CBFA2T2: variants seen among roughly 807,000 people sequenced by gnomAD.
The protein encoded by CBFA2T2 is CBFA2/RUNX1 partner transcriptional co-repressor 2.
A neutral mutation model predicts 62.2 loss-of-function variants in CBFA2T2; 11 were observed. That is an observed-to-expected ratio of 0.18 (90% confidence interval 0.11 to 0.29). The LOEUF (loss-of-function observed/expected upper bound fraction) is 0.29, where lower values mean the gene tolerates loss of function less well. CBFA2T2 is among the 10% of genes least tolerant of loss of function. The probability of loss-of-function intolerance (pLI) is 1.00; values close to 1 mark genes in which losing one functional copy is unlikely to be tolerated. For missense variants in CBFA2T2, 592 were observed against 774.1 expected, an observed-to-expected ratio of 0.76 and a Z score of 2.79; for synonymous variants, 295 against 287.5, an observed-to-expected ratio of 1.03 and a Z score of -0.27.
chr20:33,536,861 A>C (rs2012262623), intron 1 of CBFA2T2, among the ~76,000 whole-genome samples: 2 of 141,940 alleles, frequency 1.4e-5, no homozygotes. Context: ...GCGGCTGGGC[A>C]GAGACGCTCC....
chr20:33,502,723 CTCT>C (rs1418887610), intron 1 of CBFA2T2, among the ~76,000 whole-genome samples: 1 of 150,850 alleles, frequency 6.6e-6, no homozygotes, highest in East Asian at 2.0e-4. Context: ...TCTTCTTACC[CTCT>C]TCTTGGAATC....
chr20:33,575,063 A>T (rs1174620909), intron 1 of CBFA2T2, among the ~76,000 whole-genome samples: 2 of 152,218 alleles, frequency 1.3e-5, no homozygotes, highest in Non-Finnish European at 2.9e-5. Flanking sequence ...TTTTCATTTT[A>T]TCTGCAGGAT....
intron 2 of CBFA2T2, among the ~76,000 whole-genome samples, chr20:33,607,936 A>G (rs2015395869): frequency 6.6e-6 from 1 of 152,226 alleles, no homozygotes; most frequent in African/African-American, 2.4e-5. Flanking sequence ...GGAAATGCAA[A>G]CTAACACCCA....
chr20:33,562,667 C>T, intron 1 of CBFA2T2: 6 of 985,186 alleles, frequency 6.1e-6, no homozygotes, highest in Non-Finnish European at 7.2e-6. Context: ...ATAATTTGGG[C>T]ATTTGGGGTA....
chr20:33,568,600 A>T (rs1227085454), intron 1 of CBFA2T2, among the ~76,000 whole-genome samples: 2 of 152,132 alleles, frequency 1.3e-5, no homozygotes, highest in African/African-American at 4.8e-5. Context: ...CACCAGGTGC[A>T]GCCATTGTTC....
At chr20:33,494,209 GTGTGAC>G (rs1474442559) in intron 1 of CBFA2T2, among the ~76,000 whole-genome samples, 2 of 122,160 alleles carry the variant, frequency 1.6e-5, no homozygotes, top group Non-Finnish European at 3.2e-5. Flanking sequence ...GGCGATTATA[GTGTGAC>G]TGTACTATGT....
chr20:33,589,044 A>T (rs2014501156), intron 1 of CBFA2T2, among the ~76,000 whole-genome samples: 1 of 152,228 alleles, frequency 6.6e-6, no homozygotes, highest in African/African-American at 2.4e-5. Context: ...GATTAAGCTG[A>T]AGACCTATTT....
At chr20:33,623,500 C>T (rs985099524) in intron 5 of CBFA2T2, among the ~76,000 whole-genome samples, 2 of 152,186 alleles carry the variant, frequency 1.3e-5, no homozygotes, top group Admixed American at 1.3e-4. Context: ...TCAAGCGATC[C>T]TCTCACCTCA....
intron 1 of CBFA2T2, among the ~76,000 whole-genome samples, chr20:33,525,202 T>A (rs2011853300): frequency 6.6e-6 from 1 of 151,680 alleles, no homozygotes; most frequent in Admixed American, 6.6e-5. Flanking sequence ...TTTTTTTTTT[T>A]GAGACAGAGT....
At chr20:33,609,234 C>T (rs2015440068) in intron 2 of CBFA2T2, among the ~76,000 whole-genome samples, 1 of 152,170 alleles carries the variant, frequency 6.6e-6, no homozygotes, top group Non-Finnish European at 1.5e-5. Flanking sequence ...GGCGCAGTGG[C>T]TCACACCTAT....
At chr20:33,601,422 G>A (rs1344139266) in intron 1 of CBFA2T2, among the ~76,000 whole-genome samples, 4 of 151,916 alleles carry the variant, frequency 2.6e-5, no homozygotes, top group Non-Finnish European at 4.4e-5. Flanking sequence ...GTGCCACCAC[G>A]CCCAACTCAT....
chr20:33,596,445 A>C (rs1280743042), intron 1 of CBFA2T2, among the ~76,000 whole-genome samples: 3 of 152,232 alleles, frequency 2.0e-5, no homozygotes, highest in Non-Finnish European at 4.4e-5. Context: ...GCTAGCATGT[A>C]TTCCTATGCT....
At chr20:33,537,561 G>A (rs556422710) in intron 1 of CBFA2T2, among the ~76,000 whole-genome samples, 9 of 152,300 alleles carry the variant, frequency 5.9e-5, no homozygotes, top group African/African-American at 1.2e-4. Context: ...AGCTTTTGTT[G>A]TGTCTAAGGA....
intron 1 of CBFA2T2, among the ~76,000 whole-genome samples, chr20:33,513,898 GT>G (rs527308809): frequency 3.4e-5 from 5 of 147,682 alleles, no homozygotes; most frequent in African/African-American, 2.5e-5. Context: ...TTTGTTTTGT[GT>G]TTTTTTTTGT....
intron 1 of CBFA2T2, among the ~76,000 whole-genome samples, chr20:33,594,919 G>A (rs973337110): frequency 2.0e-5 from 3 of 152,152 alleles, no homozygotes; most frequent in Admixed American, 6.5e-5. Flanking sequence ...CTAAGCTGGT[G>A]GAGACCTGAA....
At chr20:33,568,897 C>T (rs865919675) in intron 1 of CBFA2T2, among the ~76,000 whole-genome samples, 8 of 152,116 alleles carry the variant, frequency 5.3e-5, no homozygotes, top group Non-Finnish European at 1.0e-4. Context: ...GCTCAGTTGG[C>T]GCTACAACTG....
In CBFA2T2 at chr20:33,537,048, C is replaced by T. The variant is rs1347100544; in HGVS notation, c.34+46747C>T. Among the ~76,000 whole-genome samples, 13 of 151,196 alleles carry T rather than the reference C, an allele frequency of 8.6e-5. No homozygotes were observed. The East Asian group carries it at 2.0e-3, about 23-fold the overall frequency. ...GGCTCCTCACGTCCCAGACGATGGG[C>T]GGCCAGGCAGAGATGCTCCTCACTT... On this transcript the variant is annotated intron_variant, in intron 1 of 10. Transcript: ENST00000342704.
intron 1 of CBFA2T2, among the ~76,000 whole-genome samples, chr20:33,567,761 T>C (rs940408442): frequency 5.9e-5 from 9 of 152,104 alleles, no homozygotes; most frequent in Admixed American, 3.9e-4. Flanking sequence ...TTTTTGTATT[T>C]TTAGTAGAGA....
At chr20:33,568,218 A>G (rs1456664033) in intron 1 of CBFA2T2, among the ~76,000 whole-genome samples, 1 of 152,228 alleles carries the variant, frequency 6.6e-6, no homozygotes, top group Non-Finnish European at 1.5e-5. Context: ...TACTTCCTGC[A>G]TCAGCACTCA....
Sources: allele counts gnomAD v4.1 joint callset (sites outside exome capture counted in the v4.1 genomes callset), GRCh38; gene constraint gnomAD v4.1.1; transcripts MANE v1.5; gene names NCBI Gene and HGNC (gene_info 2026-07-23, HGNC 2026-07-21).